EYS: variants seen among roughly 807,000 people sequenced by gnomAD.
EYS encodes protein eyes shut homolog.
Under a neutral mutation model 282.1 loss-of-function variants are expected in EYS, and 250 were observed. The ratio of observed to expected loss-of-function variants is 0.89; its 90% CI spans 0.80 to 0.98. The LOEUF (loss-of-function observed/expected upper bound fraction) is 0.98, where lower values mean the gene tolerates loss of function less well. Among genes scored for constraint, EYS ranks in the 50% least tolerant of loss-of-function variants. The probability of loss-of-function intolerance (pLI) is 0.00; values close to 1 mark genes in which losing one functional copy is unlikely to be tolerated. For missense variants in EYS, 4,016 were observed against 3,709.0 expected (o/e 1.08, Z -2.15); for synonymous variants, 1,355 against 1,282.9 (o/e 1.06, Z -1.20).
At chr6:63,834,636 C>T (rs1179424397) in intron 36 of EYS, among the ~76,000 whole-genome samples, 2 of 147,590 alleles carry the variant, frequency 1.4e-5, no homozygotes, top group African/African-American at 5.2e-5. Flanking sequence ...TTGTGGAAGA[C>T]ACTGTGGCGA....
intron 31 of EYS, among the ~76,000 whole-genome samples, chr6:64,189,185 A>G (rs1005984492): frequency 1.3e-5 from 2 of 152,196 alleles, no homozygotes; most frequent in African/African-American, 4.8e-5. Flanking sequence ...TGTGTAAAAA[A>G]ATTATATATA....
chr6:64,885,942 G>A (rs1350545492), intron 19 of EYS, among the ~76,000 whole-genome samples: 2 of 151,786 alleles, frequency 1.3e-5, no homozygotes, highest in Non-Finnish European at 2.9e-5. Flanking sequence ...CCTCAGGATA[G>A]AAATCCATAT....
chr6:64,980,201 AT>A (rs1770608480), intron 14 of EYS, among the ~76,000 whole-genome samples: 1 of 151,562 alleles, frequency 6.6e-6, no homozygotes, highest in Non-Finnish European at 1.5e-5. Context: ...TTTTATTGTT[AT>A]TTCAACATGC....
At chr6:64,085,221 C>T (rs1026368690) in intron 31 of EYS, among the ~76,000 whole-genome samples, 3 of 152,024 alleles carry the variant, frequency 2.0e-5, no homozygotes, top group Admixed American at 6.5e-5. Flanking sequence ...AGTGATCCAC[C>T]TGCCTAGGCC....
In EYS at chr6:64,506,908, T is replaced by TAAAAAAAA. The variant is rs530521158; in HGVS notation, c.5645-67564_5645-67557dup. ...TGGGCGATAAAGCGAGGCTGTGTCTTAAAAAAAAAAAAAAAAACTGACTTA... is the reference window on the plus strand; with the variant it reads ...TGGGCGATAAAGCGAGGCTGTGTCTTAAAAAAAAAAAAAAAAAAAAAAAAACTGACTTA... On this transcript the variant is annotated intron_variant, in intron 26 of 42. Coordinates refer to ENST00000503581, the MANE Select transcript of EYS (RefSeq NM_001142800.2). Among the ~76,000 whole-genome samples the TAAAAAAAA allele has an allele frequency of 1.9e-4, 19 of 97,822 alleles. 3 individuals carry two copies. The highest frequency in any genetic ancestry group is 1.3e-3 in the South Asian group (4 of 3,028). The allele number at this position is 97,822 out of a possible 152,430, so 64.2% of individuals were successfully genotyped here.
intron 28 of EYS, among the ~76,000 whole-genome samples, chr6:64,415,072 T>C (rs1236326768): frequency 1.3e-5 from 2 of 152,126 alleles, no homozygotes; most frequent in Non-Finnish European, 2.9e-5. Flanking sequence ...AACACAATAG[T>C]TGTATGAACA....
intron 30 of EYS, among the ~76,000 whole-genome samples, chr6:64,274,481 GTT>G (rs10640761): frequency 8.7e-5 from 8 of 92,222 alleles, no homozygotes; most frequent in East Asian, 3.2e-4. Flanking sequence ...ACGCCTGGCC[GTT>G]TTTTTTTTTT....
intron 19 of EYS, among the ~76,000 whole-genome samples, chr6:64,872,516 C>A (rs1051157926): frequency 6.6e-6 from 1 of 152,008 alleles, no homozygotes. Flanking sequence ...CTGACCACAA[C>A]ACATGGAAGT....
chr6:64,920,576 A>C (rs577577265), intron 15 of EYS, among the ~76,000 whole-genome samples: 1 of 152,130 alleles, frequency 6.6e-6, no homozygotes, highest in Non-Finnish European at 1.5e-5. Context: ...TATATTCAGA[A>C]GAATTCATAG....
intron 30 of EYS, among the ~76,000 whole-genome samples, chr6:64,294,279 A>G (rs1306097377): frequency 3.3e-5 from 5 of 152,228 alleles, no homozygotes; most frequent in Admixed American, 3.3e-4. Flanking sequence ...AGATTTTCTT[A>G]TATCAGCATA....
intron 2 of EYS, among the ~76,000 whole-genome samples, chr6:65,622,558 T>C (rs1282620734): frequency 6.6e-6 from 1 of 152,032 alleles, no homozygotes; most frequent in African/African-American, 2.4e-5. Context: ...AACAGTTTTA[T>C]GGGATGGTGG....
chr6:65,584,843 A>G (rs1406753261), intron 2 of EYS, among the ~76,000 whole-genome samples: 1 of 151,002 alleles, frequency 6.6e-6, no homozygotes, highest in Non-Finnish European at 1.5e-5. Flanking sequence ...ACACACAAAT[A>G]CAATTTACTT....
At chr6:63,768,062 A>G (rs1769840550) in intron 40 of EYS, among the ~76,000 whole-genome samples, 1 of 151,624 alleles carries the variant, frequency 6.6e-6, no homozygotes, top group African/African-American at 2.4e-5. Context: ...TTCATTATAT[A>G]TGTTATGAAA....
rs532121554 is a variant in EYS, at chr6:64,610,093, A to G, written c.3684+7325T>C. 3.3e-5 allele frequency among the ~76,000 whole-genome samples: 5 copies of G among 152,222 alleles called. No homozygotes were observed. In the East Asian group the frequency reaches 9.7e-4, roughly 29 times the overall value. On this transcript the variant is annotated intron_variant, in intron 24 of 42. Coordinates refer to ENST00000503581, the MANE Select transcript of EYS (RefSeq NM_001142800.2). ...TGCCCAACTCTCCAATGGGTTAACA[A>G]TGTTATCTTCAATATAGCCAAGCTT... is the stretch of plus-strand genomic sequence containing the variant.
At chr6:64,312,208 C>T (rs1769741120) in intron 29 of EYS, among the ~76,000 whole-genome samples, 1 of 151,950 alleles carries the variant, frequency 6.6e-6, no homozygotes, top group Non-Finnish European at 1.5e-5. Context: ...GGGCTTCGGC[C>T]ATTACTGAGG....
At chr6:64,052,790 G>A (rs928892823) in intron 33 of EYS, among the ~76,000 whole-genome samples, 3 of 152,052 alleles carry the variant, frequency 2.0e-5, no homozygotes, top group African/African-American at 4.8e-5. Flanking sequence ...GGTTTTATAA[G>A]CGTCTGGCAT....
chr6:65,222,727 T>C (rs1018321154), intron 12 of EYS, among the ~76,000 whole-genome samples: 12 of 152,208 alleles, frequency 7.9e-5, no homozygotes, highest in Admixed American at 7.9e-4. Context: ...AGTCACAGGA[T>C]CTTTGCTCAG....
intron 31 of EYS, among the ~76,000 whole-genome samples, chr6:64,107,285 T>TTATATATATATATATA (rs55756711): frequency 1.7e-4 from 17 of 101,508 alleles, no homozygotes; most frequent in Non-Finnish European, 2.4e-4. Context: ...ATATATATAT[T>TTATATATATATATATA]TATATATATA....
chr6:63,988,777 GAA>G lies in EYS; in HGVS notation c.6835-4176_6835-4175del, dbSNP rs1299209979. On this transcript the variant is annotated intron_variant, in intron 34 of 42. Transcript: ENST00000503581. ...CATGAAAATAATAAAAAGTATCAGT[GAA>G]AACTGAGGGAAAAGGCCTCCATATC... 8.6e-5 allele frequency among the ~76,000 whole-genome samples: 13 copies of G among 151,710 alleles called. 1 individual carries two copies. In the South Asian group the frequency reaches 2.3e-3, roughly 27 times the overall value.
Sources: gnomAD v4.1 joint callset for allele counts (sites outside exome capture counted in the v4.1 genomes callset) on GRCh38, gnomAD v4.1.1 for gene constraint, MANE v1.5 for transcripts, NCBI Gene and HGNC (gene_info 2026-07-23, HGNC 2026-07-21) for gene names.